Variants in SLC19A1 observed in about 807,000 individuals in gnomAD.
SLC19A1 encodes solute carrier family 19 member 1.
SLC19A1 carries 37 observed loss-of-function variants against 35.3 expected under a neutral mutation model. That is an observed-to-expected ratio of 1.05 (90% CI 0.81 to 1.38). The LOEUF (loss-of-function observed/expected upper bound fraction) is 1.38, where lower values mean the gene tolerates loss of function less well. SLC19A1 is among the 40% of genes most tolerant of loss of function. The probability of loss-of-function intolerance (pLI) is 0.00; values close to 1 mark genes in which losing one functional copy is unlikely to be tolerated. For synonymous variants in SLC19A1, 460 were observed against 398.5 expected (o/e 1.15, Z -1.84); for missense variants, 831 against 826.9 (o/e 1.00, Z -0.06).
intron 2 of SLC19A1, among the ~76,000 whole-genome samples, chr21:45,536,680 C>G (rs1380597124): frequency 1.3e-5 from 2 of 152,166 alleles, no homozygotes; most frequent in African/African-American, 2.4e-5. Flanking sequence ...TTTCACAATT[C>G]TAGGGTCTGG....
At chr21:45,504,362 C>T (rs1333014064) in intron 3 of SLC19A1, 2 of 1,577,986 alleles carry the variant, frequency 1.3e-6, no homozygotes, top group Admixed American at 3.5e-5. Context: ...TGGGAGGCCA[C>T]CTGTGGCTTG....
intron 1 of SLC19A1, among the ~76,000 whole-genome samples, chr21:45,561,268 A>C (rs1456657713): frequency 1.3e-5 from 2 of 152,278 alleles, no homozygotes; most frequent in African/African-American, 4.8e-5. Flanking sequence ...TTGACCAAGT[A>C]TAAAATAAAT....
Position 45,514,917 on chromosome 21 carries a change from G to T in SLC19A1, c.*741C>A. ...ATACCAAGGCCAGCACGTCCGCGGT[G>T]ACCGGGACCAGTCCCCTCCGGGCTG... On this transcript the variant is annotated 3_prime_UTR_variant, in exon 6 of 6. Transcript: ENST00000311124. The T allele has an allele frequency of 7.6e-7, 1 of 1,324,374 alleles. No homozygotes were observed. The highest frequency in any genetic ancestry group is 1.6e-5 in the South Asian group (1 of 62,682). 82.0% of individuals were successfully genotyped at this position (1,324,374 alleles called of 1,614,324 possible). A position where few individuals can be genotyped will look rare whatever the true frequency, so the allele number is the denominator to read the frequency against.
At chr21:45,508,321 G>C (rs2037358974), downstream of SLC19A1, among the ~76,000 whole-genome samples, 1 of 151,736 alleles carries the variant, frequency 6.6e-6, no homozygotes, top group African/African-American at 2.4e-5. Context: ...ACAGGTGGGT[G>C]AGTGGATAGA....
intron 5 of SLC19A1, among the ~76,000 whole-genome samples, chr21:45,524,992 G>A (rs2077559236): frequency 6.6e-6 from 1 of 152,216 alleles, no homozygotes; most frequent in South Asian, 2.1e-4. Flanking sequence ...TGACACTCTT[G>A]GGCTGAAGAA....
intron 4 of SLC19A1, among the ~76,000 whole-genome samples, chr21:45,526,616 C>T (rs2077629172): frequency 1.3e-5 from 2 of 152,208 alleles, no homozygotes; most frequent in South Asian, 4.1e-4. Context: ...CGCTCTGTTG[C>T]CCAGGCGTGC....
intron 1 of SLC19A1, among the ~76,000 whole-genome samples, chr21:45,551,988 C>T (rs951875479): frequency 3.3e-5 from 5 of 152,176 alleles, no homozygotes; most frequent in South Asian, 2.1e-4. Flanking sequence ...CCTGAGACCT[C>T]GGCTTCCTGT....
chr21:45,505,027 A>C, intron 3 of SLC19A1: 1 of 1,425,304 alleles, frequency 7.0e-7, no homozygotes, highest in Non-Finnish European at 9.6e-7. Context: ...GGTGACTCAG[A>C]GGCTGCGCTC....
chr21:45,503,982 G>A, intron 3 of SLC19A1: 1 of 1,613,118 alleles, frequency 6.2e-7, no homozygotes, highest in Non-Finnish European at 8.5e-7. Context: ...CACCACCTCA[G>A]CGAGACCCCG....
At chr21:45,520,178 A>G (rs1038244288) in intron 5 of SLC19A1, among the ~76,000 whole-genome samples, 4 of 152,204 alleles carry the variant, frequency 2.6e-5, no homozygotes, top group Non-Finnish European at 4.4e-5. Context: ...GATGCAACTA[A>G]AGCAGTACTG....
At chr21:45,527,323 C>T (rs548917749) in intron 4 of SLC19A1, among the ~76,000 whole-genome samples, 261 of 133,250 alleles carry the variant, frequency 2.0e-3, no homozygotes, top group African/African-American at 6.9e-3. Context: ...TGAGTGGCAG[C>T]GGGCAGGGTG....
At chr21:45,510,470 G>A (rs2838953), downstream of SLC19A1, among the ~76,000 whole-genome samples, 4 of 151,946 alleles carry the variant, frequency 2.6e-5, no homozygotes, top group Admixed American at 6.5e-5. Context: ...GCACTGCCAC[G>A]TCCCCCAGGG....
chr21:45,512,541 A>C (rs1364643427), downstream of SLC19A1: 1 of 737,440 alleles, frequency 1.4e-6, no homozygotes, highest in Non-Finnish European at 2.2e-6. Context: ...TGTAATCCTC[A>C]AGAAATAAAA....
At chr21:45,505,106 A>G (rs2037112758) in intron 3 of SLC19A1, 1 of 1,603,332 alleles carries the variant, frequency 6.2e-7, no homozygotes, top group Non-Finnish European at 8.5e-7. Flanking sequence ...CGAGGTAACC[A>G]GGAAGCGTCT....
intron 5 of SLC19A1, 140 bp downstream of exon 5, chr21:45,525,677 T>C: frequency 1.2e-6 from 1 of 861,418 alleles, no homozygotes; most frequent in Non-Finnish European, 1.8e-6. Flanking sequence ...TGGCCTGGTG[T>C]GTCCCACTGG....
intron 1 of SLC19A1, among the ~76,000 whole-genome samples, chr21:45,557,732 C>A (rs758925027): frequency 6.6e-6 from 1 of 152,132 alleles, no homozygotes; most frequent in Non-Finnish European, 1.5e-5. Flanking sequence ...CCGTGTCCTG[C>A]GCTCTGGTGA....
chr21:45,537,614 C>T (rs1394609784), intron 2 of SLC19A1, among the ~76,000 whole-genome samples, 157 bp downstream of exon 2: 1 of 90,516 alleles, frequency 1.1e-5, no homozygotes, highest in Non-Finnish European at 2.5e-5. Context: ...CAGGCAGCCG[C>T]CCTGGCACCC....
intron 3 of SLC19A1, chr21:45,503,900 C>A: frequency 9.0e-7 from 1 of 1,115,052 alleles, no homozygotes; most frequent in Non-Finnish European, 1.4e-6. Flanking sequence ...ATCTCTACCG[C>A]GAAATGGCTA....
intron 5 of SLC19A1, 95 bp downstream of exon 5, chr21:45,525,722 C>G (rs1003664560): frequency 1.4e-6 from 2 of 1,434,342 alleles, no homozygotes; most frequent in Non-Finnish European, 1.9e-6. Context: ...CCCCAGCCCA[C>G]AGTGGGCTCC....
Sources: allele counts gnomAD v4.1 joint callset (sites outside exome capture counted in the v4.1 genomes callset), GRCh38; gene constraint gnomAD v4.1.1; transcripts MANE v1.5; gene names NCBI Gene and HGNC (gene_info 2026-07-23, HGNC 2026-07-21).